Variants in HIVEP2 observed in about 807,000 individuals in gnomAD.
The protein encoded by HIVEP2 is transcription factor HIVEP2.
Under a neutral mutation model 180.7 loss-of-function variants are expected in HIVEP2, and 14 were observed. The ratio of observed to expected loss-of-function variants is 0.08; its 90% CI spans 0.05 to 0.12. The LOEUF (loss-of-function observed/expected upper bound fraction) is 0.12, where lower values mean the gene tolerates loss of function less well. HIVEP2 is among the 10% of genes least tolerant of loss of function. The pLI, the probability that HIVEP2 is intolerant of heterozygous loss-of-function variation, is 1.00. For synonymous variants in HIVEP2, 1,184 were observed against 1,136.4 expected (o/e 1.04, Z -0.84); for missense variants, 2,579 against 3,008.5 (o/e 0.86, Z 3.34).
chr6:142,837,498 A>G (rs1291104180), intron 1 of HIVEP2, among the ~76,000 whole-genome samples: 3 of 152,110 alleles, frequency 2.0e-5, no homozygotes, highest in Non-Finnish European at 4.4e-5. Context: ...TGAGAAATAG[A>G]AACTAATATC....
chr6:142,800,791 T>A (rs1306245966), intron 2 of HIVEP2, among the ~76,000 whole-genome samples: 1 of 152,168 alleles, frequency 6.6e-6, no homozygotes, highest in Non-Finnish European at 1.5e-5. Context: ...ACTGGAAAGA[T>A]CCTTCTGTTC....
At chr6:142,926,494 T>C (rs1777813730) in intron 1 of HIVEP2, among the ~76,000 whole-genome samples, 1 of 152,218 alleles carries the variant, frequency 6.6e-6, no homozygotes, top group South Asian at 2.1e-4. Flanking sequence ...CAAGGTTTCC[T>C]GTGAGGGCTT....
chr6:142,937,145 A>C (rs1778077448), intron 1 of HIVEP2, among the ~76,000 whole-genome samples: 1 of 152,222 alleles, frequency 6.6e-6, no homozygotes, highest in African/African-American at 2.4e-5. Context: ...CTTCATTGGC[A>C]TAGCACTGGC....
At chr6:142,847,530 T>C (rs1775548007) in intron 1 of HIVEP2, among the ~76,000 whole-genome samples, 1 of 152,310 alleles carries the variant, frequency 6.6e-6, no homozygotes, top group East Asian at 1.9e-4. Context: ...AAACTCCTTA[T>C]AAAAACCCTG....
chr6:142,794,751 G>A (rs1339238186), intron 2 of HIVEP2, among the ~76,000 whole-genome samples: 4 of 152,270 alleles, frequency 2.6e-5, no homozygotes, highest in East Asian at 1.9e-4. Context: ...GTACTGAAGC[G>A]GGTGGATGAA....
At chr6:142,857,512 C>A (rs1299067370) in intron 1 of HIVEP2, among the ~76,000 whole-genome samples, 2 of 152,192 alleles carry the variant, frequency 1.3e-5, no homozygotes, top group African/African-American at 2.4e-5. Context: ...CTAAAGAAAT[C>A]CACAGACGGC....
chr6:142,886,756 G>C (rs1026330809), intron 1 of HIVEP2, among the ~76,000 whole-genome samples: 1 of 152,082 alleles, frequency 6.6e-6, no homozygotes, highest in Non-Finnish European at 1.5e-5. Flanking sequence ...CCACACAAAT[G>C]GCAAAAAACC....
chr6:142,896,604 C>T (rs1311800412), intron 1 of HIVEP2, among the ~76,000 whole-genome samples: 1 of 152,016 alleles, frequency 6.6e-6, no homozygotes, highest in Non-Finnish European at 1.5e-5. Flanking sequence ...TCAATATTAT[C>T]CAGTTTTTCC....
chr6:142,809,436 G>C (rs971657075), intron 2 of HIVEP2, among the ~76,000 whole-genome samples: 1 of 152,110 alleles, frequency 6.6e-6, no homozygotes, highest in Non-Finnish European at 1.5e-5. Context: ...CTGCCCCCGT[G>C]TCTCTCTTCA....
intron 1 of HIVEP2, among the ~76,000 whole-genome samples, chr6:142,903,325 A>G (rs576226158): frequency 6.6e-6 from 1 of 152,360 alleles, no homozygotes; most frequent in East Asian, 1.9e-4. Flanking sequence ...GCCAGTTAGT[A>G]AGCATAAATT....
In HIVEP2 at chr6:142,772,934, T is replaced by A; in HGVS notation, c.1805A>T (p.Gln602Leu). 1 of 1,614,180 alleles carries A rather than the reference T, an allele frequency of 6.2e-7. No homozygotes were observed. The highest frequency in any genetic ancestry group is 8.5e-7 in the Non-Finnish European group (1 of 1,180,020). Residue 602 changes from glutamine to leucine, a missense_variant, in exon 5 of 10, where the codon CAG (glutamine) becomes CTG (leucine). Gln to Leu is a moderately radical substitution (Grantham distance 113). This residue lies in a region of HIVEP2 where 524 missense variants were observed against 563.6 expected (regional missense o/e 0.93). Transcript: ENST00000367603. This position sits in a 1 kb window ranked among gnomAD's most constrained non-coding sequence, Gnocchi z 4.9. ...RQAAFELPSV[Q>L]EGHVEVEHHG... ...GTGCTCGACTTCCACGTGGCCCTCC[T>A]GTACCGAAGGCAGCTCAAATGCCGC... is the stretch of plus-strand genomic sequence containing the variant.
chr6:142,787,753 T>C (rs1462825807), intron 2 of HIVEP2, among the ~76,000 whole-genome samples: 1 of 151,990 alleles, frequency 6.6e-6, no homozygotes, highest in Admixed American at 6.6e-5. Flanking sequence ...ATATTTTTGA[T>C]ATAAAGGTAA....
Position 142,759,905 on chromosome 6 carries a change from T to A in HIVEP2, c.6383A>T (p.Asp2128Val). ...SPGKDITARRDLSPRRERRYM... is the reference protein window; with the variant it reads ...SPGKDITARRVLSPRRERRYM... ...TCTTCTCTCTCTTCTAGGAGAGAGG[T>A]CTCTTCTTGCTGTGATATCTTTCCC... is the stretch of plus-strand genomic sequence containing the variant. Residue 2128 changes from aspartate to valine, a missense_variant, in exon 9 of 10, where the codon GAC becomes GTC. By Grantham distance (152) the Asp-to-Val change is radical. This residue lies in a region of HIVEP2 where 660 missense variants were observed against 731.7 expected (regional missense o/e 0.90). Coordinates refer to ENST00000367603, the MANE Select transcript of HIVEP2 (RefSeq NM_006734.4). 6.2e-7 allele frequency: 1 copy of A among 1,613,998 alleles called. No homozygotes were observed. The highest frequency in any genetic ancestry group is 1.1e-5 in the South Asian group (1 of 91,072).
chr6:142,823,081 T>C (rs931128622), intron 2 of HIVEP2, among the ~76,000 whole-genome samples: 2 of 152,142 alleles, frequency 1.3e-5, no homozygotes, highest in Non-Finnish European at 2.9e-5. Flanking sequence ...CCATCTGCCA[T>C]GGCTTCTTTC....
In HIVEP2 at chr6:142,774,524, G is replaced by C; in HGVS notation, c.215C>G (p.Pro72Arg). 6.2e-7 allele frequency: 1 copy of C among 1,614,196 alleles called. No homozygotes were observed. Among genetic ancestry groups the C allele is most frequent in the South Asian group, 1.1e-5 (1 of 91,068 alleles). Residue 72 changes from proline (P) to arginine (R), a missense_variant, in exon 5 of 10, where the codon CCT becomes CGT. Coordinates refer to ENST00000367603, the MANE Select transcript of HIVEP2 (RefSeq NM_006734.4). This position sits in a 1 kb window ranked among gnomAD's most constrained non-coding sequence, Gnocchi z 5.1. ...TGCGACTTGCTGCACCACTTCACTA[G>C]GGGAGGCCAGTTTCCCAGAACCAAA... ...QLFGSGKLAS[P>R]SEVVQQVAEK...
chr6:142,755,030 A>G (rs1197445395), intron 9 of HIVEP2, among the ~76,000 whole-genome samples: 3 of 152,136 alleles, frequency 2.0e-5, no homozygotes, highest in Non-Finnish European at 4.4e-5. Flanking sequence ...AAACCCATAC[A>G]GTATGGTAGT....
chr6:142,833,572 C>T (rs1344769233), intron 2 of HIVEP2, among the ~76,000 whole-genome samples: 1 of 152,136 alleles, frequency 6.6e-6, no homozygotes, highest in Non-Finnish European at 1.5e-5. Flanking sequence ...TTAGTTAATA[C>T]TTACTGATGG....
At chr6:142,824,542 G>C (rs922785854) in intron 2 of HIVEP2, among the ~76,000 whole-genome samples, 1 of 152,146 alleles carries the variant, frequency 6.6e-6, no homozygotes, top group Non-Finnish European at 1.5e-5. Flanking sequence ...CTCCCCAGCT[G>C]TGTGTTCGTA....
At chr6:142,784,928 C>A (rs1775947054) in intron 2 of HIVEP2, among the ~76,000 whole-genome samples, 1 of 152,072 alleles carries the variant, frequency 6.6e-6, no homozygotes, top group African/African-American at 2.4e-5. Flanking sequence ...TGCTCAGTCA[C>A]CCAGGCTGGA....
Sources: gnomAD v4.1 joint callset for allele counts (sites outside exome capture counted in the v4.1 genomes callset) on GRCh38, gnomAD v4.1.1 for gene constraint, gnomAD v4.1.1 regional missense constraint, Gnocchi (gnomAD v3.1) non-coding constraint, MANE v1.5 for transcripts, NCBI Gene and HGNC (gene_info 2026-07-23, HGNC 2026-07-21) for gene names.